USP45: variants seen among roughly 807,000 people sequenced by gnomAD.
USP45 encodes the protein ubiquitin carboxyl-terminal hydrolase 45.
In USP45, 89 loss-of-function variants were observed where a neutral mutation model predicts 95.8. That is an observed-to-expected ratio of 0.93 (90% CI 0.78 to 1.11). USP45 has a LOEUF of 1.11. USP45 is among the 50% of genes least tolerant of loss of function. The probability of loss-of-function intolerance (pLI) is 0.00; values close to 1 mark genes in which losing one functional copy is unlikely to be tolerated. For synonymous variants in USP45, 281 were observed against 316.2 expected, an observed-to-expected ratio of 0.89 and a Z score of 1.18; for missense variants, 898 against 942.5, an observed-to-expected ratio of 0.95 and a Z score of 0.62.
chr6:99,466,425 G>A (rs990761523), intron 11 of USP45, among the ~76,000 whole-genome samples: 3 of 152,066 alleles, frequency 2.0e-5, no homozygotes, highest in Admixed American at 2.0e-4. Context: ...TATTAAGATA[G>A]GCTAAAACTG....
chr6:99,472,932 A>G, intron 9 of USP45, among the ~76,000 whole-genome samples: 1 of 152,126 alleles, frequency 6.6e-6, no homozygotes, highest in East Asian at 1.9e-4. Context: ...TTGAAGCTCA[A>G]CTCTAAGTAT....
At position 99,434,463 on chromosome 6, in the gene USP45, T is replaced by TA. The variant is rs1780158441; in HGVS notation, c.*1252_*1253insT. ...CAGTTTTGTTTCTATTTCAACAATA[T>TA]GACACTGAAGTAGCCATTATCTTTT... On this transcript the variant is annotated 3_prime_UTR_variant, in exon 18 of 18. Transcript: ENST00000500704. 6.6e-6 allele frequency: 1 copy of TA among 152,210 alleles called. No homozygotes were observed. Among genetic ancestry groups the TA allele is most frequent in the South Asian group, 2.1e-4 (1 of 4,832 alleles). 9.4% of individuals were successfully genotyped at this position (152,210 alleles called of 1,614,324 possible). A position where few individuals can be genotyped will look rare whatever the true frequency, so the allele number is the denominator to read the frequency against.
Position 99,443,570 on chromosome 6 carries a change from G to A in USP45, c.2068C>T (p.His690Tyr), listed in dbSNP as rs1411609130. The change falls in exon 15 of 18, where the codon CAT becomes TAT. Residue 690 changes from histidine to tyrosine, a missense_variant. Physicochemically the swap from His to Tyr is moderately conservative, Grantham distance 83. Coordinates refer to ENST00000500704, the MANE Select transcript of USP45 (RefSeq NM_001346022.3). Reference protein sequence around the residue: ...AVLILHLKRFHQAGLSLRKVN... With the variant: ...AVLILHLKRFYQAGLSLRKVN... The stretch of plus-strand genomic sequence containing the variant: ...GTGCTACTGAAGAAACTTACCTGAT[G>A]AAATCTTTTCAGGTGGAGAATTAGG... 1.2e-6 allele frequency: 2 copies of A among 1,604,672 alleles called. No individual in the cohort carries two copies. Among genetic ancestry groups the A allele is most frequent in the Non-Finnish European group, 1.7e-6 (2 of 1,174,984 alleles).
chr6:99,493,718 C>G (rs566347617), intron 5 of USP45, among the ~76,000 whole-genome samples: 3 of 151,468 alleles, frequency 2.0e-5, no homozygotes, highest in Non-Finnish European at 4.4e-5. Flanking sequence ...AGGCTGGTCT[C>G]GAACTCCTGA....
intron 13 of USP45, among the ~76,000 whole-genome samples, chr6:99,454,630 A>C (rs1350490944): frequency 1.3e-5 from 2 of 152,214 alleles, no homozygotes; most frequent in African/African-American, 4.8e-5. Flanking sequence ...CAACATCCCT[A>C]ATCATCCAGG....
chr6:99,474,646 C>G (rs1234940295), intron 9 of USP45, among the ~76,000 whole-genome samples: 1 of 152,140 alleles, frequency 6.6e-6, no homozygotes, highest in East Asian at 1.9e-4. Flanking sequence ...CAGGTTTTCA[C>G]CTATTACTCC....
intron 13 of USP45, among the ~76,000 whole-genome samples, chr6:99,455,819 TAAAAAAAA>T (rs35285232): frequency 7.7e-4 from 34 of 44,372 alleles, no homozygotes; most frequent in South Asian, 1.5e-3. Context: ...ATGTGAGAGC[TAAAAAAAA>T]AAAAAAAAAA....
At chr6:99,480,329 T>G (rs1792069704) in intron 8 of USP45, among the ~76,000 whole-genome samples, 1 of 152,188 alleles carries the variant, frequency 6.6e-6, no homozygotes. Flanking sequence ...CAAATTGATC[T>G]ACACATTCAA....
chr6:99,516,474 T>C (rs1234639716), upstream of USP45, among the ~76,000 whole-genome samples: 1 of 152,250 alleles, frequency 6.6e-6, no homozygotes, highest in Admixed American at 6.5e-5. Flanking sequence ...AAATTTTTCT[T>C]TAAAAACTCT....
intron 7 of USP45, among the ~76,000 whole-genome samples, chr6:99,484,011 T>TTTTTTTTG (rs1554246545): frequency 1.4e-5 from 2 of 138,110 alleles, no homozygotes; most frequent in Non-Finnish European, 3.1e-5. Flanking sequence ...ATAGTTTTTT[T>TTTTTTTTG]TTTTTTTTTT....
chr6:99,482,953 T>A, intron 7 of USP45, 70 bp from the exon 8 acceptor site: 1 of 1,311,380 alleles, frequency 7.6e-7, no homozygotes, highest in Non-Finnish European at 9.9e-7. Context: ...AATCTGTGAG[T>A]TACACTCTGC....
chr6:99,465,125 C>T lies in USP45; in HGVS notation c.1119G>A (p.Val373=). The T allele has an allele frequency of 6.3e-7, 1 of 1,594,728 alleles. No homozygotes were observed. The highest frequency in any genetic ancestry group is 8.6e-7 in the Non-Finnish European group (1 of 1,168,368). ...GTGAAATATCAATGAATGGATCTTT[C>T]ACCGTGGAGATCTTAAAAGGAAAAC... ...MCEECANIST[V]KDPFIDISLP... is the part of the protein sequence containing the mutation. The change falls in exon 12 of 18, where the codon GTG becomes GTA. Residue 373 remains valine, a synonymous_variant. Coordinates refer to ENST00000500704, the MANE Select transcript of USP45 (RefSeq NM_001346022.3).
At chr6:99,490,469 C>T (rs1437154940) in intron 5 of USP45, among the ~76,000 whole-genome samples, 2 of 151,954 alleles carry the variant, frequency 1.3e-5, no homozygotes, top group African/African-American at 2.4e-5. Context: ...TGTGAGCCAC[C>T]GTAGCCAGCC....
chr6:99,474,219 G>C (rs962705185), intron 9 of USP45, among the ~76,000 whole-genome samples: 2 of 152,078 alleles, frequency 1.3e-5, no homozygotes, highest in African/African-American at 4.8e-5. Flanking sequence ...TGTTTTTTGA[G>C]GTAGGCTCTG....
intron 5 of USP45, chr6:99,502,136 A>C: frequency 9.8e-7 from 1 of 1,021,974 alleles, no homozygotes; most frequent in Non-Finnish European, 1.2e-6. Flanking sequence ...CCACACCAAA[A>C]CTCCAGTGAG....
chr6:99,476,006 G>A lies in USP45; in HGVS notation c.933+137C>T, dbSNP rs549156542. ...TGCGCGGCTAATTTTTATTAGAGAC[G>A]AGGTTTCACTATGTTGGCTAGGCTG... On this transcript the variant is annotated intron_variant, in intron 9 of 17. Coordinates refer to ENST00000500704, the MANE Select transcript of USP45 (RefSeq NM_001346022.3). The A allele has an allele frequency of 4.1e-5, 26 of 640,322 alleles. No individual in the cohort carries two copies. In the East Asian group the frequency reaches 4.8e-4, roughly 12 times the overall value. The allele number at this position is 640,322 out of a possible 1,614,324, so 39.7% of individuals were successfully genotyped here. A position where few individuals can be genotyped will look rare whatever the true frequency, so the allele number is the denominator to read the frequency against.
chr6:99,517,661 T>G (rs1465993921), upstream of USP45, among the ~76,000 whole-genome samples: 2 of 151,622 alleles, frequency 1.3e-5, no homozygotes, highest in African/African-American at 2.4e-5. Flanking sequence ...CAGGCTGGTC[T>G]TGAACTCCTG....
rs61750879 is a variant in USP45, at chr6:99,510,181, C to T, written c.40G>A (p.Ala14Thr). ...KDPTKALPEK[A>T]KRSKRPTVPH... is the part of the protein sequence containing the mutation. Reference sequence around the variant, plus strand: ...ACAGTAGGCCTTTTACTTCTTTTGGCTTTCTCAGGTAAAGCTTTAGTTGGA... The same window carrying T: ...ACAGTAGGCCTTTTACTTCTTTTGGTTTTCTCAGGTAAAGCTTTAGTTGGA... The change falls in exon 2 of 18, where the codon GCC (alanine) becomes ACC (threonine). Residue 14 changes from alanine (A) to threonine (T), a missense_variant. Ala to Thr is a moderately conservative substitution (Grantham distance 58). Transcript: ENST00000500704. 2.5e-4 allele frequency: 404 copies of T among 1,613,924 alleles called. No homozygotes were observed. The African/African-American group carries it at 4.4e-3, about 17-fold the overall frequency.
Position 99,511,845 on chromosome 6 carries a change from GTATATATATATA to G in USP45, c.-10-1627_-10-1616del, listed in dbSNP as rs751350306. ...GACACATATATGTATGTGAGTGTGT[GTATATATATATA>G]TATATATATATATATATATATATAT... On this transcript the variant is annotated intron_variant, in intron 1 of 17. Coordinates refer to ENST00000500704, the MANE Select transcript of USP45 (RefSeq NM_001346022.3). Among the ~76,000 whole-genome samples the G allele has an allele frequency of 6.8e-3, 156 of 22,798 alleles. 1 individual carries two copies. Among genetic ancestry groups the G allele is most frequent in the Admixed American group, 9.6e-3 (23 of 2,402 alleles). The allele number at this position is 22,798 out of a possible 152,430, so 15.0% of individuals were successfully genotyped here.
Sources: gnomAD v4.1 joint callset for allele counts (sites outside exome capture counted in the v4.1 genomes callset) on GRCh38, gnomAD v4.1.1 for gene constraint, MANE v1.5 for transcripts, NCBI Gene and HGNC (gene_info 2026-07-23, HGNC 2026-07-21) for gene names.